The following ARID4B variants were observed in gnomAD, a reference collection of about 807,000 sequenced individuals.
ARID4B encodes AT-rich interactive domain-containing protein 4B.
Under a neutral mutation model 147.5 loss-of-function variants are expected in ARID4B, and 26 were observed. That is an observed-to-expected ratio of 0.18 (90% CI 0.13 to 0.24). The LOEUF is 0.24. Ranked by LOEUF, ARID4B falls within the 10% of genes least tolerant of loss-of-function variation. The probability of loss-of-function intolerance (pLI) is 1.00; values close to 1 mark genes in which losing one functional copy is unlikely to be tolerated. For missense variants in ARID4B, 1,179 were observed against 1,511.5 expected (o/e 0.78, Z 3.65); for synonymous variants, 512 against 507.9 (o/e 1.01, Z -0.11).
chr1:235,243,032 C>T (rs371221434), intron 7 of ARID4B, among the ~76,000 whole-genome samples: 141 of 151,888 alleles, frequency 9.3e-4, no homozygotes, highest in African/African-American at 3.2e-3. Flanking sequence ...ATGTTTAATT[C>T]GCTATCTCCT....
intron 2 of ARID4B, among the ~76,000 whole-genome samples, chr1:235,300,835 G>A (rs1474044724): frequency 3.3e-5 from 5 of 151,474 alleles, no homozygotes; most frequent in African/African-American, 9.7e-5. Context: ...TCAGCCTCCC[G>A]AGTAGCTGGG....
chr1:235,170,897 C>T (rs1254222206), intron 23 of ARID4B, among the ~76,000 whole-genome samples: 2 of 130,402 alleles, frequency 1.5e-5, no homozygotes, highest in Non-Finnish European at 3.1e-5. Context: ...GGTGACTGAC[C>T]GAGACTCCGT....
At position 235,213,984 on chromosome 1, in the gene ARID4B, T is replaced by G; in HGVS notation, c.1626A>C (p.Ala542=). 2 of 1,591,214 alleles carry G rather than the reference T, an allele frequency of 1.3e-6. No individual in the cohort carries two copies. Among genetic ancestry groups the G allele is most frequent in the South Asian group, 2.2e-5 (2 of 90,550 alleles). ...CTTCTTCCTCCTCCTCCTCCTCTTC[T>G]GCTTCTTCATCATCTTCATCTTCTT... is the stretch of plus-strand genomic sequence containing the variant. The part of the protein sequence containing the change: ...NKEEDEDDEE[A]EEEEEEEEEE... Residue 542 remains alanine, a synonymous_variant, in exon 17 of 24, where the codon GCA becomes GCC. Transcript: ENST00000264183.
chr1:235,249,968 G>C (rs951794074), intron 6 of ARID4B, among the ~76,000 whole-genome samples: 1 of 150,138 alleles, frequency 6.7e-6, no homozygotes, highest in Non-Finnish European at 1.5e-5. Context: ...TTAGCCAGGC[G>C]TGGGGGCAGG....
intron 2 of ARID4B, among the ~76,000 whole-genome samples, chr1:235,295,418 G>A (rs1386508764): frequency 1.3e-5 from 2 of 151,846 alleles, no homozygotes; most frequent in Non-Finnish European, 2.9e-5. Flanking sequence ...GCTAAGGCAG[G>A]AGAATTGCTT....
At chr1:235,297,148 G>A (rs972456989) in intron 2 of ARID4B, among the ~76,000 whole-genome samples, 20 of 152,160 alleles carry the variant, frequency 1.3e-4, no homozygotes, top group Non-Finnish European at 2.1e-4. Context: ...ATTGAAAACC[G>A]ATGGGACAAT....
At chr1:235,230,200 G>A (rs1442079860) in intron 10 of ARID4B, among the ~76,000 whole-genome samples, 1 of 152,124 alleles carries the variant, frequency 6.6e-6, no homozygotes, top group Non-Finnish European at 1.5e-5. Flanking sequence ...TGGACTGCCT[G>A]AGCTCAGGAG....
At chr1:235,224,897 T>G (rs1207830858) in intron 11 of ARID4B, 122 bp from the exon 12 acceptor site, 2 of 660,956 alleles carry the variant, frequency 3.0e-6, no homozygotes, top group Non-Finnish European at 5.2e-6. Flanking sequence ...TTTTACGTAA[T>G]CAAAGTTACT....
At chr1:235,218,847 T>C (rs893162871) in intron 16 of ARID4B, among the ~76,000 whole-genome samples, 2 of 151,554 alleles carry the variant, frequency 1.3e-5, no homozygotes, top group Non-Finnish European at 2.9e-5. Flanking sequence ...TGTGGCCAAA[T>C]GTCAGTACGC....
At chr1:235,170,670 G>A (rs527525312) in intron 23 of ARID4B, among the ~76,000 whole-genome samples, 1 of 151,826 alleles carries the variant, frequency 6.6e-6, no homozygotes, top group Non-Finnish European at 1.5e-5. Flanking sequence ...CCCGGGAGGC[G>A]GAGCTTGCAG....
chr1:235,228,984 A>G, intron 11 of ARID4B: 1 of 410,152 alleles, frequency 2.4e-6, no homozygotes, highest in Non-Finnish European at 4.3e-6. Context: ...AAAAAAGCAT[A>G]GGAAGACTAA....
chr1:235,236,084 G>C (rs1250599979), intron 8 of ARID4B, among the ~76,000 whole-genome samples: 1 of 151,776 alleles, frequency 6.6e-6, no homozygotes, highest in Non-Finnish European at 1.5e-5. Context: ...AGGCCACCCA[G>C]ACCCAGTTAA....
intron 2 of ARID4B, among the ~76,000 whole-genome samples, chr1:235,283,009 A>G (rs1180831844): frequency 1.3e-5 from 2 of 152,020 alleles, no homozygotes; most frequent in Admixed American, 1.3e-4. Flanking sequence ...CTCGACTCCT[A>G]TTGTGATCCA....
intron 2 of ARID4B, among the ~76,000 whole-genome samples, chr1:235,290,541 C>T (rs1459614067): frequency 1.3e-5 from 2 of 152,054 alleles, no homozygotes; most frequent in African/African-American, 4.8e-5. Context: ...AAAGTTACCT[C>T]ATCTCAGACC....
In ARID4B at chr1:235,216,332, C is replaced by T. The variant is rs868074276; in HGVS notation, c.1584-2306G>A. 1.2e-4 allele frequency among the ~76,000 whole-genome samples: 18 copies of T among 151,150 alleles called. 1 individual carries two copies. In the South Asian group the frequency reaches 1.7e-3, roughly 14 times the overall value. On this transcript the variant is annotated intron_variant, in intron 16 of 23. Transcript: ENST00000264183. ...GTATACACACACACACACACACACACATATATACGTGTATATATATATACT... is the reference window on the plus strand; with the variant it reads ...GTATACACACACACACACACACACATATATATACGTGTATATATATATACT...
chr1:235,272,925 G>T (rs1671086662), intron 2 of ARID4B, among the ~76,000 whole-genome samples: 1 of 152,178 alleles, frequency 6.6e-6, no homozygotes, highest in Admixed American at 6.5e-5. Flanking sequence ...CAGCTAAGCA[G>T]CTAAGCTTAT....
chr1:235,242,050 C>T (rs567610909), intron 7 of ARID4B, among the ~76,000 whole-genome samples: 1 of 151,978 alleles, frequency 6.6e-6, no homozygotes, highest in Admixed American at 6.5e-5. Flanking sequence ...GAGTTCGAGA[C>T]CAGCCTGGCC....
chr1:235,326,714 G>A (rs1390289453), intron 2 of ARID4B, 200 bp downstream of exon 2: 5 of 616,726 alleles, frequency 8.1e-6, no homozygotes, highest in Admixed American at 2.8e-5. Context: ...ATCTTCAGTT[G>A]AGACATCCTA....
At chr1:235,194,486 T>A (rs529942759) in intron 18 of ARID4B, among the ~76,000 whole-genome samples, 1 of 152,040 alleles carries the variant, frequency 6.6e-6, no homozygotes, top group Non-Finnish European at 1.5e-5. Context: ...TACAACTTGC[T>A]CTTCAGAATT....
Sources: gnomAD v4.1 joint callset for allele counts (sites outside exome capture counted in the v4.1 genomes callset) on GRCh38, gnomAD v4.1.1 for gene constraint, MANE v1.5 for transcripts, NCBI Gene and HGNC (gene_info 2026-07-23, HGNC 2026-07-21) for gene names.